The following TRIM37 variants were observed in gnomAD, a reference collection of about 807,000 sequenced individuals.
The protein encoded by TRIM37 is tripartite motif containing 37, also known as E3 ubiquitin-protein ligase TRIM37.
Under a neutral mutation model 129.8 loss-of-function variants are expected in TRIM37, and 80 were observed. The ratio of observed to expected loss-of-function variants is 0.62; its 90% CI spans 0.51 to 0.74. TRIM37 has a LOEUF of 0.74. Ranked by LOEUF, TRIM37 falls within the 30% of genes least tolerant of loss-of-function variation. The pLI, the probability that TRIM37 is intolerant of heterozygous loss-of-function variation, is 0.00. For missense variants in TRIM37, 1,054 were observed against 1,176.5 expected (o/e 0.90, Z 1.52); for synonymous variants, 389 against 387.1 (o/e 1.00, Z -0.06).
chr17:58,991,156 C>T (rs1598751287), intron 24 of TRIM37, among the ~76,000 whole-genome samples: 2 of 104,822 alleles, frequency 1.9e-5, no homozygotes, highest in Admixed American at 1.2e-4. Flanking sequence ...GCCTGGGCAA[C>T]AAGAGTGAAA....
intron 19 of TRIM37, among the ~76,000 whole-genome samples, chr17:59,025,395 ATAT>A (rs530950210): frequency 9.3e-5 from 14 of 151,102 alleles, no homozygotes; most frequent in African/African-American, 1.2e-4. Flanking sequence ...ATTAATTATA[ATAT>A]TATTAATATT....
intron 16 of TRIM37, among the ~76,000 whole-genome samples, chr17:59,043,112 C>T (rs997954217): frequency 2.0e-5 from 3 of 152,174 alleles, no homozygotes; most frequent in South Asian, 2.1e-4. Context: ...GAGGGTATTA[C>T]TTCCTACTCG....
intron 3 of TRIM37, chr17:59,090,208 T>C (rs941928735): frequency 1.3e-5 from 2 of 152,178 alleles, no homozygotes; most frequent in Non-Finnish European, 2.9e-5. Flanking sequence ...TCTCTCAATA[T>C]GGGCATAAAT....
At chr17:59,014,947 G>C (rs2035727318) in intron 21 of TRIM37, among the ~76,000 whole-genome samples, 1 of 151,246 alleles carries the variant, frequency 6.6e-6, no homozygotes, top group Non-Finnish European at 1.5e-5. Flanking sequence ...GTGGTGGTGG[G>C]CGCCTGTAGT....
intron 24 of TRIM37, chr17:58,983,000 A>G: frequency 7.4e-7 from 1 of 1,346,308 alleles, no homozygotes; most frequent in Non-Finnish European, 1.0e-6. Context: ...TAAAAAAAAA[A>G]GCTTTTTAAA....
chr17:58,990,047 T>C (rs1223814363), intron 24 of TRIM37, among the ~76,000 whole-genome samples: 3 of 150,252 alleles, frequency 2.0e-5, no homozygotes, highest in Admixed American at 6.6e-5. Context: ...GGACATGGTG[T>C]GTGGCTTGTA....
chr17:59,025,768 T>C lies in TRIM37; in HGVS notation c.2257+2647A>G, dbSNP rs974986383. On this transcript the variant is annotated intron_variant, in intron 19 of 23. Coordinates refer to ENST00000262294, the MANE Select transcript of TRIM37 (RefSeq NM_015294.6). ...GCCTGTGCTGTTCAAGGGTCAACTGTATCTGCAAAATATGTAACAAAGGCT... is the reference window on the plus strand; with the variant it reads ...GCCTGTGCTGTTCAAGGGTCAACTGCATCTGCAAAATATGTAACAAAGGCT... Among the ~76,000 whole-genome samples, 4 of 152,226 alleles carry C rather than the reference T, an allele frequency of 2.6e-5. No individual in the cohort carries two copies. In the East Asian group the frequency reaches 5.8e-4, roughly 22 times the overall value.
At chr17:59,042,431 TAAAAA>T (rs71145517) in intron 16 of TRIM37, among the ~76,000 whole-genome samples, 4 of 76,688 alleles carry the variant, frequency 5.2e-5, no homozygotes, top group African/African-American at 2.7e-4. Context: ...AAAAGGAATT[TAAAAA>T]AAAAAAAAAA....
chr17:58,972,206 T>C, the TRIM37 span: 2 of 1,614,068 alleles, frequency 1.2e-6, no homozygotes, highest in South Asian at 1.1e-5. Context: ...GGGTGGGTGA[T>C]TCCCAGGTTA....
chr17:59,029,555 T>C (rs2037611133), intron 18 of TRIM37, among the ~76,000 whole-genome samples: 1 of 152,074 alleles, frequency 6.6e-6, no homozygotes, highest in African/African-American at 2.4e-5. Flanking sequence ...ATCTGACAAA[T>C]GTTCACTAAA....
At chr17:59,038,179 T>C (rs1365874156) in intron 17 of TRIM37, among the ~76,000 whole-genome samples, 2 of 152,202 alleles carry the variant, frequency 1.3e-5, no homozygotes, top group African/African-American at 4.8e-5. Context: ...AACTGTACTA[T>C]TCAGAAGCAA....
rs1355403729 is a variant in TRIM37, at chr17:59,015,591, A to G, written c.2576+19T>C. 7 of 1,613,322 alleles carry G rather than the reference A, an allele frequency of 4.3e-6. No homozygotes were observed. In the Admixed American group the frequency reaches 1.2e-4, roughly 27 times the overall value. On this transcript the variant is annotated intron_variant, in intron 21 of 23. Transcript: ENST00000262294. ...TATTAGCTATTATACCATTACATAT[A>G]CAAAACAACTTAATTTACCCCAAGG...
At chr17:59,021,993 TGA>T (rs1354990184) in intron 19 of TRIM37, among the ~76,000 whole-genome samples, 1 of 152,172 alleles carries the variant, frequency 6.6e-6, no homozygotes, top group African/African-American at 2.4e-5. Flanking sequence ...GTTCTAACTC[TGA>T]GTTACTATAC....
chr17:59,022,617 T>G (rs2036737391), intron 19 of TRIM37, among the ~76,000 whole-genome samples: 1 of 152,232 alleles, frequency 6.6e-6, no homozygotes, highest in African/African-American at 2.4e-5. Context: ...CCTCTTAGAC[T>G]TCTTGTTAAG....
chr17:58,972,868 G>A, the TRIM37 span: 12 of 1,613,144 alleles, frequency 7.4e-6, no homozygotes, highest in East Asian at 6.7e-5. Context: ...TGGAGGTTGC[G>A]TAGTCTGGTT....
chr17:58,977,883 T>C (rs940878923), downstream of TRIM37, among the ~76,000 whole-genome samples: 5 of 152,092 alleles, frequency 3.3e-5, no homozygotes, highest in African/African-American at 1.2e-4. Flanking sequence ...GCTGGGACTT[T>C]GCATGCATGC....
chr17:58,978,619 G>A (rs920772471), downstream of TRIM37, among the ~76,000 whole-genome samples: 2 of 152,162 alleles, frequency 1.3e-5, no homozygotes, highest in Non-Finnish European at 2.9e-5. Context: ...GCGGAGGCAG[G>A]AGAATTGCTG....
intron 8 of TRIM37, among the ~76,000 whole-genome samples, chr17:59,074,657 A>G (rs758682193): frequency 1.3e-5 from 2 of 152,242 alleles, no homozygotes; most frequent in Admixed American, 6.5e-5. Context: ...ATCAGGAAAC[A>G]TGAGATTCAA....
chr17:58,982,931 C>T (rs757739427), intron 24 of TRIM37: 12 of 1,574,092 alleles, frequency 7.6e-6, no homozygotes, highest in South Asian at 1.2e-5. Context: ...TCTAAGAAAA[C>T]AAGAAAACAA....
Sources: gnomAD v4.1 joint callset for allele counts (sites outside exome capture counted in the v4.1 genomes callset) on GRCh38, gnomAD v4.1.1 for gene constraint, MANE v1.5 for transcripts, NCBI Gene and HGNC (gene_info 2026-07-23, HGNC 2026-07-21) for gene names.